TRAK1: variants seen among roughly 807,000 people sequenced by gnomAD.
TRAK1 encodes trafficking kinesin protein 1.
TRAK1 carries 33 observed loss-of-function variants against 92.1 expected under a neutral mutation model. The ratio of observed to expected loss-of-function variants is 0.36; its 90% CI spans 0.27 to 0.48. TRAK1 has a LOEUF of 0.48. Ranked by LOEUF, TRAK1 falls within the 20% of genes least tolerant of loss-of-function variation. The pLI, the probability that TRAK1 is intolerant of heterozygous loss-of-function variation, is 0.99. For synonymous variants in TRAK1, 521 were observed against 517.3 expected (o/e 1.01, Z -0.10); for missense variants, 1,123 against 1,257.9 (o/e 0.89, Z 1.62).
At chr3:42,038,803 G>GT (rs35147167) in intron 1 of TRAK1, among the ~76,000 whole-genome samples, 3,294 of 96,706 alleles carry the variant, frequency 0.034, 106 homozygotes, top group African/African-American at 0.052. Flanking sequence ...AAAAAAAAAA[G>GT]TTTTTTTTTT....
At chr3:42,025,278 A>AGGCACGCTGG (rs1011126093) in intron 1 of TRAK1, among the ~76,000 whole-genome samples, 2 of 152,310 alleles carry the variant, frequency 1.3e-5, no homozygotes, top group Admixed American at 1.3e-4. Context: ...CCTGGCAACG[A>AGGCACGCTGG]GGCACGCTGG....
At position 42,214,712 on chromosome 3, in the gene TRAK1, A is replaced by G. The variant is rs565751828; in HGVS notation, c.1963+4727A>G. Among the ~76,000 whole-genome samples, 5 of 152,316 alleles carry G rather than the reference A, an allele frequency of 3.3e-5. No individual in the cohort carries two copies. In the South Asian group the frequency reaches 1.0e-3, roughly 32 times the overall value. ...GCAGAAACCAGAAAAAGATCTTGTG[A>G]TGTGTGGTTCGAAATCTCTGTGATA... On this transcript the variant is annotated intron_variant, in intron 14 of 15. Transcript: ENST00000327628.
intron 14 of TRAK1, among the ~76,000 whole-genome samples, chr3:42,215,391 T>G (rs1251528202): frequency 6.6e-6 from 1 of 152,226 alleles, no homozygotes. Context: ...CTGATATTCC[T>G]AGGGGATAGT....
At chr3:42,219,021 T>A (rs1340198991) in intron 14 of TRAK1, 2 of 985,330 alleles carry the variant, frequency 2.0e-6, no homozygotes, top group Non-Finnish European at 2.4e-6. Context: ...GCTGTGAGCC[T>A]TGCCCTGTTT....
rs1470306442 is a variant in TRAK1, at chr3:42,225,490, T to C, written c.*1753T>C. 2 of 152,194 alleles carry C rather than the reference T, an allele frequency of 1.3e-5. No individual in the cohort carries two copies. Among genetic ancestry groups the C allele is most frequent in the Non-Finnish European group, 2.9e-5 (2 of 68,040 alleles). The allele number at this position is 152,194 out of a possible 1,614,324, so 9.4% of individuals were successfully genotyped here. On this transcript the variant is annotated 3_prime_UTR_variant, in exon 16 of 16. Coordinates refer to ENST00000327628, the MANE Select transcript of TRAK1 (RefSeq NM_001042646.3). Reference sequence around the variant, plus strand: ...CATTCACTGCAAGTAACTTATATCTTTTTATTTGAATGTATTTTAAAGCAG... The same window carrying C: ...CATTCACTGCAAGTAACTTATATCTCTTTATTTGAATGTATTTTAAAGCAG...
intron 1 of TRAK1, among the ~76,000 whole-genome samples, chr3:42,034,700 G>A (rs1702263210): frequency 6.6e-6 from 1 of 151,986 alleles, no homozygotes; most frequent in Non-Finnish European, 1.5e-5. Flanking sequence ...GCCTTTAGAA[G>A]CTGCCTTAAC....
At chr3:42,160,188 G>T in intron 2 of TRAK1, 1 of 1,350,494 alleles carries the variant, frequency 7.4e-7, no homozygotes, top group African/African-American at 1.5e-5. Context: ...TGGGCCAGGA[G>T]CTTTGTGTAC....
chr3:42,085,125 A>G (rs769757140), upstream of TRAK1, among the ~76,000 whole-genome samples: 1 of 152,124 alleles, frequency 6.6e-6, no homozygotes, highest in Non-Finnish European at 1.5e-5. Flanking sequence ...TTGGACATTC[A>G]TTTGGTAAGT....
At chr3:42,119,637 G>T (rs370819115) in intron 1 of TRAK1, among the ~76,000 whole-genome samples, 2 of 152,208 alleles carry the variant, frequency 1.3e-5, no homozygotes, top group Non-Finnish European at 2.9e-5. Flanking sequence ...TACTAATTTA[G>T]CTAAGCATGG....
chr3:42,157,857 TGAGAAA>T (rs1032982393), intron 2 of TRAK1, among the ~76,000 whole-genome samples: 17 of 152,136 alleles, frequency 1.1e-4, no homozygotes, highest in Non-Finnish European at 2.5e-4. Context: ...GTTTCAGTGT[TGAGAAA>T]GAGAAAGTAA....
chr3:42,064,887 C>T (rs1361679142), intron 1 of TRAK1, among the ~76,000 whole-genome samples: 1 of 151,956 alleles, frequency 6.6e-6, no homozygotes, highest in Middle Eastern at 3.2e-3. Flanking sequence ...CCTGTCTCTA[C>T]TAAAAATAAC....
intron 1 of TRAK1, among the ~76,000 whole-genome samples, chr3:42,097,117 A>G (rs903095090): frequency 1.3e-5 from 2 of 152,128 alleles, no homozygotes; most frequent in African/African-American, 4.8e-5. Flanking sequence ...CTCCTCAGTA[A>G]TCTATATTGG....
chr3:42,217,235 G>A, intron 14 of TRAK1: 4 of 985,034 alleles, frequency 4.1e-6, no homozygotes, highest in Non-Finnish European at 4.8e-6. Flanking sequence ...TCTCTGTTGT[G>A]TCTCAAGGAA....
At chr3:42,062,083 C>G (rs1438340807) in intron 1 of TRAK1, among the ~76,000 whole-genome samples, 3 of 152,186 alleles carry the variant, frequency 2.0e-5, no homozygotes, top group Non-Finnish European at 4.4e-5. Flanking sequence ...TGAGAGAGAT[C>G]CTGCTCATAT....
chr3:42,072,882 T>G (rs941170025), intron 1 of TRAK1, among the ~76,000 whole-genome samples: 4 of 152,202 alleles, frequency 2.6e-5, no homozygotes, highest in Non-Finnish European at 5.9e-5. Context: ...AGTTGTGGAA[T>G]TTTTCTTTGA....
At chr3:42,174,746 T>C (rs934996664) in intron 2 of TRAK1, among the ~76,000 whole-genome samples, 41 of 150,164 alleles carry the variant, frequency 2.7e-4, no homozygotes, top group Non-Finnish European at 4.3e-4. Context: ...ATTTTTTTTT[T>C]AGTGGAGACA....
upstream of TRAK1, among the ~76,000 whole-genome samples, chr3:42,088,490 G>T (rs1704806135): frequency 6.6e-6 from 1 of 152,126 alleles, no homozygotes; most frequent in South Asian, 2.1e-4. Context: ...CTTGCACTTG[G>T]GTCTTTCTTA....
At chr3:42,033,324 C>T (rs1238966571) in intron 1 of TRAK1, among the ~76,000 whole-genome samples, 2 of 152,166 alleles carry the variant, frequency 1.3e-5, no homozygotes, top group Non-Finnish European at 2.9e-5. Flanking sequence ...TGGGGCGGAG[C>T]GGCTTTGGTG....
chr3:42,038,330 T>C (rs1168297803), intron 1 of TRAK1, among the ~76,000 whole-genome samples: 2 of 152,180 alleles, frequency 1.3e-5, no homozygotes, highest in East Asian at 1.9e-4. Context: ...CAAGGAGATA[T>C]TGGTGTTTTT....
Sources: gnomAD v4.1 joint callset for allele counts (sites outside exome capture counted in the v4.1 genomes callset) on GRCh38, gnomAD v4.1.1 for gene constraint, MANE v1.5 for transcripts, NCBI Gene and HGNC (gene_info 2026-07-23, HGNC 2026-07-21) for gene names.